NRXN1: variants seen among roughly 807,000 people sequenced by gnomAD.
NRXN1 encodes neurexin-1.
In NRXN1, 39 loss-of-function variants were observed where a neutral mutation model predicts 150.9. The ratio of observed to expected loss-of-function variants is 0.26; its 90% CI spans 0.20 to 0.34. The LOEUF (loss-of-function observed/expected upper bound fraction) is 0.34, where lower values mean the gene tolerates loss of function less well. Ranked by LOEUF, NRXN1 falls within the 10% of genes least tolerant of loss-of-function variation. The probability of loss-of-function intolerance (pLI) is 1.00; values close to 1 mark genes in which losing one functional copy is unlikely to be tolerated. For missense variants in NRXN1, 1,815 were observed against 1,949.9 expected (o/e 0.93, Z 1.30); for synonymous variants, 924 against 757.0 (o/e 1.22, Z -3.62).
intron 8 of NRXN1, among the ~76,000 whole-genome samples, chr2:50,569,753 A>G (rs1240828114): frequency 6.6e-6 from 1 of 152,166 alleles, no homozygotes; most frequent in African/African-American, 2.4e-5. Context: ...GGCCAATTGA[A>G]TTCAGACCCC....
intron 18 of NRXN1, among the ~76,000 whole-genome samples, chr2:50,187,309 G>C (rs547701444): frequency 9.2e-5 from 14 of 151,976 alleles, no homozygotes; most frequent in Middle Eastern, 6.8e-3. Context: ...GGCACACCAA[G>C]GTAAAAAGGT....
intron 21 of NRXN1, among the ~76,000 whole-genome samples, chr2:49,990,709 C>T (rs1030168504): frequency 6.6e-6 from 1 of 152,082 alleles, no homozygotes; most frequent in Non-Finnish European, 1.5e-5. Flanking sequence ...TTAATAGTTA[C>T]TTGGTTCTTA....
chr2:50,997,137 C>T (rs1699420247), intron 2 of NRXN1, among the ~76,000 whole-genome samples: 1 of 152,108 alleles, frequency 6.6e-6, no homozygotes, highest in Admixed American at 6.5e-5. Context: ...GAGCTGGAGG[C>T]TACCAGTGTG....
chr2:50,275,672 C>A (rs552041170), intron 17 of NRXN1, among the ~76,000 whole-genome samples: 1 of 151,956 alleles, frequency 6.6e-6, no homozygotes. Flanking sequence ...TCATTGAGTC[C>A]CTTCTAATTC....
chr2:50,608,693 C>A (rs566243827), intron 8 of NRXN1, among the ~76,000 whole-genome samples: 3 of 152,148 alleles, frequency 2.0e-5, no homozygotes, highest in Admixed American at 1.3e-4. Context: ...AGCCTGGATA[C>A]CTTGGGGAAG....
At chr2:50,184,145 T>C (rs922648110) in intron 18 of NRXN1, among the ~76,000 whole-genome samples, 6 of 152,090 alleles carry the variant, frequency 3.9e-5, no homozygotes, top group African/African-American at 1.4e-4. Context: ...CCATAATTCA[T>C]ATTAAACAAA....
At chr2:50,886,992 A>G (rs1207282630) in intron 5 of NRXN1, among the ~76,000 whole-genome samples, 2 of 151,466 alleles carry the variant, frequency 1.3e-5, no homozygotes, top group African/African-American at 4.8e-5. Context: ...GAATATATTA[A>G]ATTTGGATGA....
intron 21 of NRXN1, among the ~76,000 whole-genome samples, chr2:50,020,105 G>A (rs1687341440): frequency 6.6e-6 from 1 of 151,938 alleles, no homozygotes; most frequent in African/African-American, 2.4e-5. Context: ...TTAAGTATAC[G>A]CAGACTAGGC....
chr2:50,682,853 T>C (rs1690615663), intron 5 of NRXN1, among the ~76,000 whole-genome samples: 1 of 152,180 alleles, frequency 6.6e-6, no homozygotes, highest in Non-Finnish European at 1.5e-5. Flanking sequence ...GTGGACTCAA[T>C]AGCTGTATTA....
chr2:50,042,905 C>T (rs1253004344), intron 21 of NRXN1, among the ~76,000 whole-genome samples: 2 of 151,968 alleles, frequency 1.3e-5, no homozygotes, highest in Non-Finnish European at 2.9e-5. Context: ...CTTCCTGTGC[C>T]ATTAACACTA....
chr2:50,022,638 G>T lies in NRXN1; in HGVS notation c.4128+30633C>A, dbSNP rs538230480. On this transcript the variant is annotated intron_variant, in intron 21 of 22. Transcript: ENST00000401669. ...TTTATAGAATCATTGTCAAACAATT[G>T]CAGATGCAAGAATAGTATGTTTGAT... 9.2e-5 allele frequency: 14 copies of T among 152,296 alleles called. No homozygotes were observed. The South Asian group carries it at 2.9e-3, about 32-fold the overall frequency. The allele number at this position is 152,296 out of a possible 1,614,324, so 9.4% of individuals were successfully genotyped here. A position where few individuals can be genotyped will look rare whatever the true frequency, so the allele number is the denominator to read the frequency against.
intron 5 of NRXN1, among the ~76,000 whole-genome samples, chr2:50,670,109 G>C (rs1688626552): frequency 6.6e-6 from 1 of 151,514 alleles, no homozygotes; most frequent in Non-Finnish European, 1.5e-5. Context: ...TATTTATCTA[G>C]GGAAAATATG....
At chr2:50,730,758 C>T (rs1476367892) in intron 5 of NRXN1, among the ~76,000 whole-genome samples, 13 of 150,112 alleles carry the variant, frequency 8.7e-5, no homozygotes, top group Non-Finnish European at 1.8e-4. Context: ...CTGCAAGCTC[C>T]GCCTCCCGGG....
chr2:50,898,539 C>A, intron 5 of NRXN1: 2 of 445,262 alleles, frequency 4.5e-6, no homozygotes, highest in African/African-American at 2.0e-5. Context: ...AAAAGACATG[C>A]ATATATCCGT....
rs185895919 is a variant in NRXN1 at position 50,056,508 on chromosome 2, G to A, written c.3719-1464C>T. Among the ~76,000 whole-genome samples the A allele has an allele frequency of 6.2e-3, 938 of 152,074 alleles. 7 individuals carry two copies. Among genetic ancestry groups the A allele is most frequent in the Non-Finnish European group, 8.6e-3 (585 of 67,954 alleles). On this transcript the variant is annotated intron_variant, in intron 19 of 22. Coordinates refer to ENST00000401669, the MANE Select transcript of NRXN1 (RefSeq NM_001330078.2). The stretch of plus-strand genomic sequence containing the variant: ...TAATATGTATTTCTCTGTATTCTGT[G>A]ATCACTAAAACATTGTAAAATAATA...
chr2:50,661,242 G>A (rs1224114023), intron 5 of NRXN1, among the ~76,000 whole-genome samples: 2 of 151,970 alleles, frequency 1.3e-5, no homozygotes. Flanking sequence ...CAAAGACAAA[G>A]TTCTAATCCA....
At chr2:49,994,603 A>G (rs191040792) in intron 21 of NRXN1, among the ~76,000 whole-genome samples, 20 of 152,274 alleles carry the variant, frequency 1.3e-4, no homozygotes, top group Admixed American at 8.5e-4. Context: ...ACCTACCTAT[A>G]AGGACCTCAA....
chr2:50,006,533 G>A (rs1684795857), intron 21 of NRXN1, among the ~76,000 whole-genome samples: 1 of 152,068 alleles, frequency 6.6e-6, no homozygotes, highest in Non-Finnish European at 1.5e-5. Context: ...CATTCCCTGA[G>A]GCATTCTGTG....
intron 18 of NRXN1, among the ~76,000 whole-genome samples, chr2:50,181,641 C>T (rs1229900393): frequency 6.6e-6 from 1 of 151,892 alleles, no homozygotes; most frequent in Non-Finnish European, 1.5e-5. Context: ...TTTTTTTAAT[C>T]GTTCTGATAC....
Sources: gnomAD v4.1 joint callset for allele counts (sites outside exome capture counted in the v4.1 genomes callset) on GRCh38, gnomAD v4.1.1 for gene constraint, MANE v1.5 for transcripts, NCBI Gene and HGNC (gene_info 2026-07-23, HGNC 2026-07-21) for gene names.